BICD1: variants seen among roughly 807,000 people sequenced by gnomAD.
The protein encoded by BICD1 is BICD cargo adaptor 1.
In BICD1, 35 loss-of-function variants were observed where a neutral mutation model predicts 92.5. That is an observed-to-expected ratio of 0.38 (90% confidence interval 0.29 to 0.50). The LOEUF is 0.50. Among genes scored for constraint, BICD1 ranks in the 20% least tolerant of loss-of-function variants. The pLI, the probability that BICD1 is intolerant of heterozygous loss-of-function variation, is 0.93. For synonymous variants in BICD1, 429 were observed against 465.1 expected (o/e 0.92, Z 1.00); for missense variants, 950 against 1,189.8 (o/e 0.80, Z 2.97).
chr12:32,333,596 G>T (rs1276683377), intron 5 of BICD1, among the ~76,000 whole-genome samples: 1 of 152,164 alleles, frequency 6.6e-6, no homozygotes, highest in Non-Finnish European at 1.5e-5. Context: ...TCATTAGTAT[G>T]GGGTATTTGT....
Position 32,117,896 on chromosome 12 carries a change from A to G in BICD1, c.213+10352A>G, listed in dbSNP as rs184663584. ...CTCCCGAGTAGCTGGGATTACAGGC[A>G]TGCACCACCATGCCCAGCTAATTTT... On this transcript the variant is annotated intron_variant, in intron 1 of 9. Transcript: ENST00000652176. Among the ~76,000 whole-genome samples the G allele has an allele frequency of 2.7e-3, 410 of 150,012 alleles. 2 individuals carry two copies. The highest frequency in any genetic ancestry group is 9.7e-3 in the African/African-American group (398 of 41,114).
chr12:32,334,548 C>T lies in BICD1; in HGVS notation c.2133C>T (p.Asn711=). The T allele has an allele frequency of 1.2e-6, 2 of 1,611,100 alleles. No individual in the cohort carries two copies. The highest frequency in any genetic ancestry group is 1.7e-6 in the Non-Finnish European group (2 of 1,178,674). Residue 711 remains asparagine (N), a synonymous_variant, in exon 6 of 10, where the codon AAC becomes AAT. Coordinates refer to ENST00000652176, the MANE Select transcript of BICD1 (RefSeq NM_001714.4). ...AGGTGGCGCTAGCTAATCTCAAGAA[C>T]AAATATGAAAATGAAAAAGCAATGG... ...TAEVALANLK[N]KYENEKAMVT... is the part of the protein sequence containing the mutation.
chr12:32,189,957 C>T (rs976157028), intron 1 of BICD1, among the ~76,000 whole-genome samples: 5 of 152,096 alleles, frequency 3.3e-5, no homozygotes, highest in African/African-American at 4.8e-5. Context: ...CCTCCGCCTC[C>T]CAAAGTGCTG....
intron 8 of BICD1, chr12:32,339,960 C>A: frequency 2.5e-6 from 2 of 811,410 alleles, no homozygotes; most frequent in Non-Finnish European, 3.0e-6. Flanking sequence ...GTGGCTGCTG[C>A]TGTTAGGGCA....
intron 1 of BICD1, among the ~76,000 whole-genome samples, chr12:32,111,838 A>T (rs1369173182): frequency 6.6e-6 from 1 of 152,040 alleles, no homozygotes; most frequent in Non-Finnish European, 1.5e-5. Context: ...CGATGTTTTT[A>T]AAGAAAAAAT....
intron 2 of BICD1, among the ~76,000 whole-genome samples, chr12:32,263,881 G>T (rs989235957): frequency 6.6e-6 from 1 of 152,180 alleles, no homozygotes; most frequent in African/African-American, 2.4e-5. Context: ...GCTTTGCATG[G>T]GTAGGGCCTC....
At chr12:32,265,056 T>C (rs553275560) in intron 2 of BICD1, among the ~76,000 whole-genome samples, 1 of 152,134 alleles carries the variant, frequency 6.6e-6, no homozygotes, top group South Asian at 2.1e-4. Flanking sequence ...GCCTTAGCCT[T>C]CTGAACTCAG....
intron 3 of BICD1, among the ~76,000 whole-genome samples, chr12:32,297,738 T>G (rs1305680794): frequency 6.6e-6 from 1 of 152,224 alleles, no homozygotes; most frequent in African/African-American, 2.4e-5. Context: ...CTTTTAGTTA[T>G]TTATTATTTT....
chr12:32,235,743 C>T (rs1946050029), intron 2 of BICD1, among the ~76,000 whole-genome samples: 1 of 150,818 alleles, frequency 6.6e-6, no homozygotes, highest in Admixed American at 6.6e-5. Flanking sequence ...ATCAGCCACC[C>T]AGGCTGGAGT....
At chr12:32,348,654 C>T (rs1225735383) in intron 8 of BICD1, among the ~76,000 whole-genome samples, 2 of 139,806 alleles carry the variant, frequency 1.4e-5, no homozygotes, top group African/African-American at 5.4e-5. Context: ...CCAGGACATT[C>T]CAGGCAATAA....
chr12:32,286,828 G>A (rs779703620), intron 2 of BICD1, among the ~76,000 whole-genome samples: 1 of 152,204 alleles, frequency 6.6e-6, no homozygotes, highest in African/African-American at 2.4e-5. Flanking sequence ...GGATAACAAG[G>A]CAGCAAAGGA....
chr12:32,227,992 G>A (rs1287867045), intron 2 of BICD1: 3 of 230,866 alleles, frequency 1.3e-5, no homozygotes, highest in Admixed American at 4.0e-5. Context: ...AAAGATGATC[G>A]GTAAGGGGTA....
At chr12:32,298,099 C>A (rs911505632) in intron 3 of BICD1, among the ~76,000 whole-genome samples, 4 of 151,368 alleles carry the variant, frequency 2.6e-5, no homozygotes, top group African/African-American at 7.3e-5. Context: ...GGAAGGATTA[C>A]TTGAGCCTGG....
chr12:32,126,654 G>T (rs1942352396), intron 1 of BICD1, among the ~76,000 whole-genome samples: 1 of 152,038 alleles, frequency 6.6e-6, no homozygotes, highest in African/African-American at 2.4e-5. Context: ...CTACTTGGGA[G>T]GCTGAGGCAG....
intron 2 of BICD1, among the ~76,000 whole-genome samples, chr12:32,252,540 A>G (rs1946594397): frequency 6.6e-6 from 1 of 152,118 alleles, no homozygotes; most frequent in Admixed American, 6.6e-5. Flanking sequence ...CATTTCTTCT[A>G]CCTGCATTTA....
chr12:32,204,406 A>C lies in BICD1; in HGVS notation c.214-11841A>C, dbSNP rs148359365. On this transcript the variant is annotated intron_variant, in intron 1 of 9. Coordinates refer to ENST00000652176, the MANE Select transcript of BICD1 (RefSeq NM_001714.4). ...TAAAAATGTGAAACTACTTAACTTC[A>C]TTAGTAATCAGGGAAATGCAAATGA... is the stretch of plus-strand genomic sequence containing the variant. Among the ~76,000 whole-genome samples the C allele has an allele frequency of 3.3e-4, 50 of 152,074 alleles. No individual in the cohort carries two copies. In the East Asian group the frequency reaches 9.1e-3, roughly 28 times the overall value.
At chr12:32,322,109 T>C (rs912607838) in intron 4 of BICD1, among the ~76,000 whole-genome samples, 1 of 152,180 alleles carries the variant, frequency 6.6e-6, no homozygotes, top group Non-Finnish European at 1.5e-5. Context: ...GAAAATACAG[T>C]GTTGGAGTTT....
At chr12:32,314,369 G>A (rs949686138) in intron 4 of BICD1, among the ~76,000 whole-genome samples, 5 of 2,980 alleles carry the variant, frequency 1.7e-3, no homozygotes, top group African/African-American at 1.7e-3. Flanking sequence ...CAAATCGAGT[G>A]TACCATTTTT....
intron 1 of BICD1, among the ~76,000 whole-genome samples, chr12:32,136,444 C>A (rs984428047): frequency 6.6e-6 from 1 of 152,130 alleles, no homozygotes; most frequent in Non-Finnish European, 1.5e-5. Context: ...ATCGTAAGCC[C>A]CTTCATGGGC....
Sources: allele counts gnomAD v4.1 joint callset (sites outside exome capture counted in the v4.1 genomes callset), GRCh38; gene constraint gnomAD v4.1.1; transcripts MANE v1.5; gene names NCBI Gene and HGNC (gene_info 2026-07-23, HGNC 2026-07-21).